Variants in UGT1A4 observed in about 807,000 individuals in gnomAD.
UGT1A4 encodes the protein UDP glucuronosyltransferase family 1 member A4, also known as UDP-glucuronosyltransferase 1A4.
UGT1A4 carries 32 observed loss-of-function variants against 41.1 expected under a neutral mutation model. The observed-to-expected ratio is 0.78, with a 90% CI of 0.59 to 1.05. The LOEUF is 1.05. Ranked by LOEUF, UGT1A4 falls within the 50% of genes least tolerant of loss-of-function variation. The probability of loss-of-function intolerance (pLI) is 0.00; values close to 1 mark genes in which losing one functional copy is unlikely to be tolerated. For synonymous variants in UGT1A4, 283 were observed against 265.1 expected (o/e 1.07, Z -0.66); for missense variants, 748 against 677.4 (o/e 1.10, Z -1.16).
rs752968297 is a variant in UGT1A4 at position 233,768,220 on chromosome 2, G to T, written c.1088G>T (p.Gly363Val). 65 of 1,614,160 alleles carry T rather than the reference G, an allele frequency of 4.0e-5. No homozygotes were observed. In the Admixed American group the frequency reaches 1.0e-3, roughly 25 times the overall value. Residue 363 changes from glycine to valine, a missense_variant and splice_region_variant, in exon 4 of 5, where the codon GGT (glycine) becomes GTT (valine). Gly to Val is a moderately radical substitution (Grantham distance 109, BLOSUM62 -3). Transcript: ENST00000373409. Reference sequence around the variant, plus strand: ...ACATCCTCCCTATTTTGCATCTCAGGTCACCCGATGACCCGTGCCTTTATC... The same window carrying T: ...ACATCCTCCCTATTTTGCATCTCAGTTCACCCGATGACCCGTGCCTTTATC... ...VKWLPQNDLL[G>V]HPMTRAFITH...
chr2:233,773,166 A>T lies in UGT1A4; in HGVS notation c.*607A>T, dbSNP rs1365431114. ...ATTGGTGGGTGGTGTATTTGAGAAGATAATCATTGCTTATGTCAAATGGAG... is the reference window on the plus strand; with the variant it reads ...ATTGGTGGGTGGTGTATTTGAGAAGTTAATCATTGCTTATGTCAAATGGAG... On this transcript the variant is annotated 3_prime_UTR_variant, in exon 5 of 5. Transcript: ENST00000373409. The T allele has an allele frequency of 6.5e-6, 1 of 153,410 alleles. No individual in the cohort carries two copies. Among genetic ancestry groups the T allele is most frequent in the Non-Finnish European group, 1.5e-5 (1 of 68,794 alleles). The allele number at this position is 153,410 out of a possible 1,614,324, so 9.5% of individuals were successfully genotyped here.
chr2:233,720,299 G>A (rs1559365753), intron 1 of UGT1A4, among the ~76,000 whole-genome samples: 1 of 152,118 alleles, frequency 6.6e-6, no homozygotes, highest in Admixed American at 6.5e-5. Flanking sequence ...AGGAGTTGGG[G>A]GTCTGGTGTA....
In UGT1A4 at chr2:233,737,318, G is replaced by C. The variant is rs1217578074; in HGVS notation, c.867+17631G>C. On this transcript the variant is annotated intron_variant, in intron 1 of 4. Coordinates refer to ENST00000373409, the MANE Select transcript of UGT1A4 (RefSeq NM_007120.3). ...CCTCACAGTTCAATCTCAGACTGCT[G>C]CACTAGCAGTGAGCAAGGCTCCGTG... 2.0e-5 allele frequency among the ~76,000 whole-genome samples: 3 copies of C among 152,236 alleles called. No homozygotes were observed. In the East Asian group the frequency reaches 5.8e-4, roughly 29 times the overall value.
rs200127379 is a variant in UGT1A4 at position 233,729,681 on chromosome 2, A to G, written c.867+9994A>G. On this transcript the variant is annotated intron_variant, in intron 1 of 4. Transcript: ENST00000373409. Reference sequence around the variant, plus strand: ...CATGTGATTTAGACTTTAAGGGCACACAGTGTCCAAACCCTTCCTCCTATA... The same window carrying G: ...CATGTGATTTAGACTTTAAGGGCACGCAGTGTCCAAACCCTTCCTCCTATA... 4 of 1,613,946 alleles carry G rather than the reference A, an allele frequency of 2.5e-6. No homozygotes were observed. In the East Asian group the frequency reaches 8.9e-5, roughly 36 times the overall value.
intron 1 of UGT1A4, chr2:233,743,760 A>T: frequency 7.3e-7 from 1 of 1,367,362 alleles, no homozygotes; most frequent in South Asian, 1.1e-5. Flanking sequence ...AACACCTCGT[A>T]GGCCTCGGCC....
chr2:233,769,089 A>G lies in UGT1A4; in HGVS notation c.1307+650A>G, dbSNP rs1396019687. Among the ~76,000 whole-genome samples the G allele has an allele frequency of 1.3e-5, 2 of 152,242 alleles. No individual in the cohort carries two copies. The highest frequency in any genetic ancestry group is 4.8e-5 in the African/African-American group (2 of 41,460). ...AGAAATACTCCATTATAAGAAGCAT[A>G]GTATCTTTAAGAGAAAAACAACTCA... On this transcript the variant is annotated intron_variant, in intron 4 of 4. Transcript: ENST00000373409. The surrounding 1 kb of genome is among the most constrained non-coding windows in gnomAD (Gnocchi z 4.4).
At chr2:233,728,353 G>T (rs563939650) in intron 1 of UGT1A4, among the ~76,000 whole-genome samples, 5 of 152,310 alleles carry the variant, frequency 3.3e-5, no homozygotes, top group Admixed American at 3.3e-4. Context: ...GTGAGCAGGA[G>T]CTCCCTGAAC....
chr2:233,728,311 T>G (rs1219809446), intron 1 of UGT1A4, among the ~76,000 whole-genome samples: 2 of 152,208 alleles, frequency 1.3e-5, no homozygotes, highest in Non-Finnish European at 1.5e-5. Flanking sequence ...GTGCAAGATC[T>G]GAGGCCAGGC....
At chr2:233,750,181 G>A (rs571998663) in intron 1 of UGT1A4, among the ~76,000 whole-genome samples, 9 of 151,994 alleles carry the variant, frequency 5.9e-5, no homozygotes. Context: ...TGCTGATAAT[G>A]TTGTGGACAA....
intron 4 of UGT1A4, among the ~76,000 whole-genome samples, chr2:233,768,709 T>G (rs1699703660): frequency 6.6e-6 from 1 of 151,010 alleles, no homozygotes; most frequent in African/African-American, 2.4e-5. Context: ...TCAGCCTCCG[T>G]GTAGCTGGGA....
In UGT1A4 at chr2:233,719,110, C is replaced by T. The variant is rs2076727288; in HGVS notation, c.290C>T (p.Thr97Ile). Residue 97 changes from threonine to isoleucine, a missense_variant, in exon 1 of 5, where the codon ACT becomes ATT. Thr to Ile is a moderately conservative substitution (Grantham distance 89). Transcript: ENST00000373409. ...KEFDRVTLGY[T>I]QGFFETEHLL... ...TTTGATCGCGTTACGCTGGGCTACA[C>T]TCAAGGGTTCTTTGAAACAGAACAT... 1.9e-6 allele frequency: 3 copies of T among 1,614,270 alleles called. No homozygotes were observed. Among genetic ancestry groups the T allele is most frequent in the Non-Finnish European group, 2.5e-6 (3 of 1,180,050 alleles).
chr2:233,754,773 G>A (rs1178551708), intron 1 of UGT1A4: 7 of 1,057,998 alleles, frequency 6.6e-6, no homozygotes, highest in Non-Finnish European at 9.2e-6. Context: ...ACTTCCCAGG[G>A]AGCCAAAGGA....
chr2:233,728,156 C>T (rs2077686156), intron 1 of UGT1A4, among the ~76,000 whole-genome samples: 1 of 152,250 alleles, frequency 6.6e-6, no homozygotes, highest in Non-Finnish European at 1.5e-5. Context: ...GCAGCCCATT[C>T]TGTTCTGGAG....
chr2:233,723,199 A>G (rs111421853), intron 1 of UGT1A4, among the ~76,000 whole-genome samples: 3,458 of 129,646 alleles, frequency 0.027, 116 homozygotes, highest in African/African-American at 0.11. Context: ...TGTGGTAAAA[A>G]AAGTCAAAAC....
chr2:233,732,689 A>G (rs539580267), intron 1 of UGT1A4, among the ~76,000 whole-genome samples: 1 of 150,444 alleles, frequency 6.6e-6, no homozygotes, highest in African/African-American at 2.4e-5. Context: ...ACCAGCACCC[A>G]TGCTGTTTTG....
chr2:233,733,854 T>C (rs1332608655), intron 1 of UGT1A4, among the ~76,000 whole-genome samples: 1 of 152,088 alleles, frequency 6.6e-6, no homozygotes, highest in East Asian at 1.9e-4. Flanking sequence ...CTTTTTCTAT[T>C]GATTGGAATA....
chr2:233,747,198 C>G, intron 1 of UGT1A4: 10 of 1,604,166 alleles, frequency 6.2e-6, no homozygotes, highest in South Asian at 1.1e-5. Context: ...GTCAGCTGTC[C>G]GTGTCTTCTG....
At position 233,718,894 on chromosome 2, in the gene UGT1A4, G is replaced by A; in HGVS notation, c.74G>A (p.Trp25Ter). 6.2e-7 allele frequency: 1 copy of A among 1,614,034 alleles called. No individual in the cohort carries two copies. The highest frequency in any genetic ancestry group is 8.5e-7 in the Non-Finnish European group (1 of 1,179,924). The stretch of plus-strand genomic sequence containing the variant: ...CTGCTCCTCCTCAGTGTCCAGCCCT[G>A]GGCTGAGAGTGGAAAGGTGTTGGTG... ...GLLLLLSVQP[W>*]AESGKVLVVP... The change falls in exon 1 of 5, where the codon TGG becomes TAG. Residue 25 changes from tryptophan (W) to a stop codon, truncating the protein, a stop_gained. Coordinates refer to ENST00000373409, the MANE Select transcript of UGT1A4 (RefSeq NM_007120.3). LOFTEE classifies it high-confidence loss of function.
At chr2:233,760,774 T>C in intron 1 of UGT1A4, 1 of 1,613,992 alleles carries the variant, frequency 6.2e-7, no homozygotes, top group Non-Finnish European at 8.5e-7. Flanking sequence ...CGTGGCCCAG[T>C]ACCTGTCTCT....
Sources: allele counts gnomAD v4.1 joint callset (sites outside exome capture counted in the v4.1 genomes callset), GRCh38; gene constraint gnomAD v4.1.1; non-coding constraint Gnocchi (gnomAD v3.1); transcripts MANE v1.5; gene names NCBI Gene and HGNC (gene_info 2026-07-23, HGNC 2026-07-21).